Variants in ATP11C observed in about 807,000 individuals in gnomAD.
The protein encoded by ATP11C is phospholipid-transporting ATPase IG.
Under a neutral mutation model 97.4 loss-of-function variants are expected in ATP11C, and 36 were observed. The observed-to-expected ratio is 0.37, with a 90% CI of 0.28 to 0.49. The LOEUF is 0.49. ATP11C is among the 20% of genes least tolerant of loss of function. The pLI is 0.98. For missense variants in ATP11C, 730 were observed against 824.6 expected, an observed-to-expected ratio of 0.89 and a Z score of 1.40; for synonymous variants, 275 against 290.9, an observed-to-expected ratio of 0.95 and a Z score of 0.56.
rs1241335503 is a variant in ATP11C at position 139,837,566 on chromosome X, A to T, written c.28-10743T>A. Among the ~76,000 whole-genome samples the T allele has an allele frequency of 5.3e-5, 6 of 112,733 alleles. No homozygotes were observed. The Admixed American group carries it at 5.6e-4, about 11-fold the overall frequency. Reference sequence around the variant, plus strand: ...TAAGTCTATTCTTACTCTACTTTGTAAACTCGGATATGATGTAAAATGTTC... The same window carrying T: ...TAAGTCTATTCTTACTCTACTTTGTTAACTCGGATATGATGTAAAATGTTC... On this transcript the variant is annotated intron_variant, in intron 1 of 29. Transcript: ENST00000682941.
At chrX:139,783,409 G>C in intron 16 of ATP11C, 142 bp from the exon 17 acceptor site, 1 of 381,938 alleles carries the variant, frequency 2.6e-6, no homozygotes, top group Non-Finnish European at 4.5e-6. Flanking sequence ...TAAATGGAAT[G>C]AGAAATCTTG....
chrX:139,832,664 TAAGAGG>T (rs750555923), intron 1 of ATP11C, among the ~76,000 whole-genome samples: 1 of 112,320 alleles, frequency 8.9e-6, no homozygotes, highest in East Asian at 2.8e-4. Flanking sequence ...AGTTGTAGTT[TAAGAGG>T]AAGAGACATA....
chrX:139,857,846 GAGA>G lies in ATP11C; in HGVS notation c.28-31026_28-31024del, dbSNP rs774669676. ...GGTAGAATTAATATACTTCATATGT[GAGA>G]AGGACATGGGTTTCAGGGCCTCAGG... is the stretch of plus-strand genomic sequence containing the variant. On this transcript the variant is annotated intron_variant, in intron 1 of 29. Coordinates refer to ENST00000682941, the MANE Select transcript of ATP11C (RefSeq NM_001353812.2). Among the ~76,000 whole-genome samples the G allele has an allele frequency of 8.1e-5, 9 of 111,501 alleles. No homozygotes were observed. The East Asian group carries it at 2.3e-3, about 28-fold the overall frequency.
intron 18 of ATP11C, among the ~76,000 whole-genome samples, chrX:139,779,264 T>A (rs1010194839): frequency 1.8e-5 from 2 of 112,141 alleles, no homozygotes; most frequent in African/African-American, 6.5e-5. Context: ...AACACTCTAC[T>A]CAACAACTGC....
At chrX:139,848,376 G>C (rs1343042068) in intron 1 of ATP11C, among the ~76,000 whole-genome samples, 2 of 111,385 alleles carry the variant, frequency 1.8e-5, no homozygotes, top group African/African-American at 6.5e-5. Context: ...TCTATAGTGA[G>C]AGAGTAGGAT....
At chrX:139,825,033 G>C (rs926994677) in intron 2 of ATP11C, among the ~76,000 whole-genome samples, 2 of 111,590 alleles carry the variant, frequency 1.8e-5, no homozygotes, top group African/African-American at 6.5e-5. Context: ...AGACCTGAAG[G>C]CCTCCATTTA....
At chrX:139,743,213 T>G (rs1039396599) in intron 26 of ATP11C, among the ~76,000 whole-genome samples, 5 of 110,175 alleles carry the variant, frequency 4.5e-5, no homozygotes, top group Admixed American at 9.8e-5. Context: ...TCTCTCGCTC[T>G]CTCTCTCACT....
At position 139,728,934 on chromosome X, in the gene ATP11C, AATAAC is replaced by A. The variant is rs1470834899; in HGVS notation, c.*27_*31del. On this transcript the variant is annotated 3_prime_UTR_variant, in exon 30 of 30. Coordinates refer to ENST00000682941, the MANE Select transcript of ATP11C (RefSeq NM_001353812.2). ...ACCACTGTCAGTATGCTTGTAGGAC[AATAAC>A]ATAGGCAGTTCAAGATTCGGATTCT... The A allele has an allele frequency of 8.3e-7, 1 of 1,202,026 alleles. No homozygotes were observed. Among genetic ancestry groups the A allele is most frequent in the Non-Finnish European group, 1.1e-6 (1 of 889,065 alleles).
chrX:139,837,258 G>A (rs932492512), intron 1 of ATP11C, among the ~76,000 whole-genome samples: 1 of 111,890 alleles, frequency 8.9e-6, no homozygotes, highest in Non-Finnish European at 1.9e-5. Context: ...AGCACACATA[G>A]GGGGTATCTA....
chrX:139,803,694 T>C (rs1425998427), intron 6 of ATP11C, among the ~76,000 whole-genome samples: 2 of 56,240 alleles, frequency 3.6e-5, no homozygotes, highest in African/African-American at 1.1e-4. Flanking sequence ...TCTTTTTTTT[T>C]TTTTTTTTTT....
intron 1 of ATP11C, among the ~76,000 whole-genome samples, chrX:139,858,316 C>G (rs2084126062): frequency 8.9e-6 from 1 of 112,376 alleles, no homozygotes; most frequent in South Asian, 3.7e-4. Context: ...CTTTCCTTCC[C>G]TAACACTACA....
chrX:139,878,374 A>G (rs1169479192), intron 1 of ATP11C, among the ~76,000 whole-genome samples: 1 of 112,273 alleles, frequency 8.9e-6, no homozygotes, highest in Non-Finnish European at 1.9e-5. Context: ...AATATTTATC[A>G]CACAAAGTTA....
intron 5 of ATP11C, 97 bp from the exon 6 acceptor site, chrX:139,804,696 G>A: frequency 1.5e-6 from 1 of 666,507 alleles, no homozygotes; most frequent in Non-Finnish European, 2.2e-6. Flanking sequence ...ATTATCTCTA[G>A]CTCTGGGGCT....
chrX:139,821,991 T>A (rs2083418815), intron 2 of ATP11C, among the ~76,000 whole-genome samples: 2 of 112,194 alleles, frequency 1.8e-5, no homozygotes, highest in African/African-American at 6.5e-5. Flanking sequence ...CATCAAGTTA[T>A]TCAAATTAAC....
rs2082503551 is a variant in ATP11C at position 139,783,318 on chromosome X, T to C, written c.1667-51A>G. The stretch of plus-strand genomic sequence containing the variant: ...ACTTAGAATTTTAAGGCTGGTATTG[T>C]GGTTTTAGTAAGAGTAACTTTTAAA... On this transcript the variant is annotated intron_variant, in intron 16 of 29. Transcript: ENST00000682941. The C allele has an allele frequency of 4.2e-6, 4 of 953,975 alleles. No homozygotes were observed. The South Asian group carries it at 6.6e-5, about 16-fold the overall frequency. 78.6% of individuals were successfully genotyped at this position (953,975 alleles called of 1,213,427 possible).
chrX:139,776,305 G>A (rs1256708438), intron 18 of ATP11C, among the ~76,000 whole-genome samples: 1 of 111,692 alleles, frequency 9.0e-6, no homozygotes, highest in African/African-American at 3.3e-5. Flanking sequence ...AAAGGGTGGG[G>A]CCCAACTCCA....
rs181384018 is a variant in ATP11C at position 139,797,055 on chromosome X, A to T, written c.1008+121T>A. 2.1e-3 allele frequency: 1,128 copies of T among 544,439 alleles called. 8 individuals carry two copies. In the African/African-American group the frequency reaches 0.025, roughly 12 times the overall value. 44.9% of individuals were successfully genotyped at this position (544,439 alleles called of 1,213,427 possible). A position where few individuals can be genotyped will look rare whatever the true frequency, so the allele number is the denominator to read the frequency against. The stretch of plus-strand genomic sequence containing the variant: ...CTTAAATATTTATTGGCTTAGAGCC[A>T]CCATGTAATCGAGAGAAAATTCAGA... On this transcript the variant is annotated intron_variant, in intron 11 of 29. Transcript: ENST00000682941.
intron 29 of ATP11C, among the ~76,000 whole-genome samples, chrX:139,731,162 G>A (rs765474470): frequency 9.0e-6 from 1 of 111,635 alleles, no homozygotes; most frequent in Non-Finnish European, 1.9e-5. Flanking sequence ...TACAGTACCT[G>A]CAAACACACA....
intron 1 of ATP11C, among the ~76,000 whole-genome samples, chrX:139,828,017 T>C (rs192335980): frequency 8.4e-4 from 94 of 111,959 alleles, no homozygotes; most frequent in African/African-American, 2.9e-3. Flanking sequence ...TGATATTGCC[T>C]TCAAAATTTG....
Sources: allele counts gnomAD v4.1 joint callset (sites outside exome capture counted in the v4.1 genomes callset), GRCh38; gene constraint gnomAD v4.1.1; transcripts MANE v1.5; gene names NCBI Gene and HGNC (gene_info 2026-07-23, HGNC 2026-07-21).